STN1: variants seen among roughly 807,000 people sequenced by gnomAD.
The protein encoded by STN1 is CST complex subunit STN1.
Under a neutral mutation model 45.5 loss-of-function variants are expected in STN1, and 29 were observed. The ratio of observed to expected loss-of-function variants is 0.64; its 90% confidence interval spans 0.47 to 0.87. STN1 has a LOEUF of 0.87. Ranked by LOEUF, STN1 falls within the 40% of genes least tolerant of loss-of-function variation. The pLI, the probability that STN1 is intolerant of heterozygous loss-of-function variation, is 0.00. For missense variants in STN1, 376 were observed against 441.4 expected (o/e 0.85, Z 1.33); for synonymous variants, 148 against 159.0 (o/e 0.93, Z 0.52).
rs987294717 is a variant in STN1 at position 103,877,902 on chromosome 10, C to T, written c.*4782G>A. On this transcript the variant is annotated 3_prime_UTR_variant, in exon 10 of 10. Coordinates refer to ENST00000224950, the MANE Select transcript of STN1 (RefSeq NM_024928.5). ...AATGTAGTAAAAAAACAATGAGACGCTTCTTTGGGGCAACTGCTGTAGAGG... is the reference window on the plus strand; with the variant it reads ...AATGTAGTAAAAAAACAATGAGACGTTTCTTTGGGGCAACTGCTGTAGAGG... The T allele has an allele frequency of 2.0e-5, 3 of 152,248 alleles. No homozygotes were observed. Among genetic ancestry groups the T allele is most frequent in the East Asian group, 1.9e-4 (1 of 5,202 alleles). The allele number at this position is 152,248 out of a possible 1,614,324, so 9.4% of individuals were successfully genotyped here.
intron 4 of STN1, among the ~76,000 whole-genome samples, chr10:103,900,635 G>A (rs1843202653): frequency 6.6e-6 from 1 of 152,024 alleles, no homozygotes; most frequent in South Asian, 2.1e-4. Flanking sequence ...TCCCATCTGA[G>A]TGCTCAACAT....
intron 2 of STN1, among the ~76,000 whole-genome samples, chr10:103,913,676 C>T (rs1334104746): frequency 6.6e-6 from 1 of 152,090 alleles, no homozygotes; most frequent in Non-Finnish European, 1.5e-5. Context: ...AATTAGAGAG[C>T]CATTTTCTTG....
At chr10:103,905,002 A>G in intron 4 of STN1, 89 bp downstream of exon 4, 1 of 1,147,610 alleles carries the variant, frequency 8.7e-7, no homozygotes, top group Non-Finnish European at 1.3e-6. Flanking sequence ...TAAATGTGAA[A>G]ATTTAGCCCT....
intron 9 of STN1, among the ~76,000 whole-genome samples, chr10:103,887,269 A>G (rs1843109976): frequency 6.6e-6 from 1 of 152,252 alleles, no homozygotes; most frequent in South Asian, 2.1e-4. Flanking sequence ...GGTGTAGGAC[A>G]ATGTATATCG....
chr10:103,917,718 T>A, intron 1 of STN1, 62 bp from the exon 2 acceptor site: 1 of 1,114,926 alleles, frequency 9.0e-7, no homozygotes. Context: ...GGCACGGCCC[T>A]GACGCTGCTC....
intron 3 of STN1, 24 bp from the exon 4 acceptor site, chr10:103,905,180 A>T: frequency 6.2e-7 from 1 of 1,607,816 alleles, no homozygotes; most frequent in Non-Finnish European, 8.5e-7. Flanking sequence ...GCAAAAGGGT[A>T]TAAGAGAGAT....
intron 2 of STN1, among the ~76,000 whole-genome samples, chr10:103,911,424 C>T (rs1019975719): frequency 6.6e-6 from 1 of 152,256 alleles, no homozygotes; most frequent in African/African-American, 2.4e-5. Context: ...GCACTGTGTT[C>T]CTGTCACCTG....
rs377539786 is a variant in STN1, at chr10:103,880,600, T to A, written c.*2084A>T. Among the ~76,000 whole-genome samples the A allele has an allele frequency of 2.6e-5, 4 of 152,220 alleles. No individual in the cohort carries two copies. The highest frequency in any genetic ancestry group is 5.9e-5 in the Non-Finnish European group (4 of 68,008). On this transcript the variant is annotated 3_prime_UTR_variant, in exon 10 of 10. Transcript: ENST00000224950. The stretch of plus-strand genomic sequence containing the variant: ...CTGAGATGTCCATTAGAGACCTAAG[T>A]GGAGATGTCAGTAGCAAACTGAATA...
intron 9 of STN1, among the ~76,000 whole-genome samples, chr10:103,883,716 T>C (rs1045386374): frequency 1.4e-4 from 21 of 152,152 alleles, no homozygotes; most frequent in African/African-American, 4.8e-4. Context: ...CACCAATCAA[T>C]GTTATCTATA....
At chr10:103,897,470 CA>C in intron 7 of STN1, 77 bp downstream of exon 7, 1 of 1,246,278 alleles carries the variant, frequency 8.0e-7, no homozygotes, top group Non-Finnish European at 1.2e-6. Flanking sequence ...CTTCATGCCA[CA>C]GTCACTTTCA....
rs1843341471 is a variant in STN1 at position 103,917,473 on chromosome 10, C to A, written c.122G>T (p.Arg41Leu). Residue 41 changes from arginine to leucine, a missense_variant, in exon 2 of 10, where the codon CGC becomes CTC. By Grantham distance (102) the Arg-to-Leu change is moderately radical. Coordinates refer to ENST00000224950, the MANE Select transcript of STN1 (RefSeq NM_024928.5). ...IRDILDMKES[R>L]QVPGVFLYNG... is the part of the protein sequence containing the mutation. ...GGCTAGCCACATACCTGGCACCTGG[C>A]GGGACTCCTTCATGTCCAGGATATC... The A allele has an allele frequency of 1.9e-6, 3 of 1,613,130 alleles. No individual in the cohort carries two copies. The highest frequency in any genetic ancestry group is 2.2e-5 in the South Asian group (2 of 91,048).
At chr10:103,900,844 T>A (rs1036584693) in intron 4 of STN1, among the ~76,000 whole-genome samples, 1 of 152,160 alleles carries the variant, frequency 6.6e-6, no homozygotes, top group African/African-American at 2.4e-5. Flanking sequence ...TCTAAATAAC[T>A]TCTATCACTA....
intron 2 of STN1, among the ~76,000 whole-genome samples, chr10:103,912,533 T>C (rs2134376685): frequency 6.6e-6 from 1 of 152,276 alleles, no homozygotes; most frequent in South Asian, 2.1e-4. Context: ...CAGGCTTCCT[T>C]ATGGCAGAAG....
rs765462548 is a variant in STN1 at position 103,898,989 on chromosome 10, C to T, written c.469G>A (p.Asp157Asn). Residue 157 changes from aspartate to asparagine, a missense_variant, in exon 6 of 10, where the codon GAC becomes AAC. By Grantham distance (23) the Asp-to-Asn change is conservative. Transcript: ENST00000224950. ...IHATTYYKVD[D>N]PVWNIQIARM... is the part of the protein sequence containing the mutation. Reference sequence around the variant, plus strand: ...GCAATTTGAATGTTCCACACTGGGTCGTCCACTTTATCTAACAAGTGACCA... The same window carrying T: ...GCAATTTGAATGTTCCACACTGGGTTGTCCACTTTATCTAACAAGTGACCA... 9.3e-6 allele frequency: 15 copies of T among 1,613,880 alleles called. No homozygotes were observed. The highest frequency in any genetic ancestry group is 7.7e-5 in the South Asian group (7 of 91,076).
intron 3 of STN1, 142 bp from the exon 4 acceptor site, chr10:103,905,298 A>G (rs530444538): frequency 1.3e-4 from 97 of 729,504 alleles, no homozygotes; most frequent in Non-Finnish European, 9.9e-5. Flanking sequence ...CTCTCCTTCC[A>G]CCTTTGAAAC....
intron 6 of STN1, among the ~76,000 whole-genome samples, chr10:103,898,134 T>C (rs2984132): frequency 0.4 from 61,001 of 152,040 alleles, 12,605 homozygotes; most frequent in East Asian, 0.66. Context: ...TGGAGAATTT[T>C]CACTTTTTAT....
At chr10:103,887,968 C>T (rs1843115074) in intron 9 of STN1, among the ~76,000 whole-genome samples, 1 of 152,216 alleles carries the variant, frequency 6.6e-6, no homozygotes, top group Non-Finnish European at 1.5e-5. Flanking sequence ...CATTGCACTG[C>T]TCTCAAAAGC....
Position 103,900,179 on chromosome 10 carries a change from T to A in STN1, c.340A>T (p.Lys114Ter), listed in dbSNP as rs1166657205. ...TGCTCAATGGTCTCTTGTAGCTTCT[T>A]AAGTTGTGAGGTTAAGCTGAGCTCT... Reference protein sequence around the residue: ...ARELSLTSQLKKLQETIEQKT... With the variant: ...ARELSLTSQL The change falls in exon 5 of 10, where the codon AAG (lysine) becomes TAG (stop). Residue 114 changes from lysine (K) to a stop codon, truncating the protein, a stop_gained. Transcript: ENST00000224950. LOFTEE classifies it high-confidence loss of function. 6.2e-7 allele frequency: 1 copy of A among 1,614,070 alleles called. No individual in the cohort carries two copies. Among genetic ancestry groups the A allele is most frequent in the African/African-American group, 1.3e-5 (1 of 74,932 alleles).
chr10:103,883,284 T>C (rs537667350), intron 9 of STN1, among the ~76,000 whole-genome samples: 1 of 152,290 alleles, frequency 6.6e-6, no homozygotes, highest in African/African-American at 2.4e-5. Flanking sequence ...AAGTCCTGAT[T>C]TGATGCGGCT....
Sources: gnomAD v4.1 joint callset for allele counts (sites outside exome capture counted in the v4.1 genomes callset) on GRCh38, gnomAD v4.1.1 for gene constraint, MANE v1.5 for transcripts, NCBI Gene and HGNC (gene_info 2026-07-23, HGNC 2026-07-21) for gene names.